MOCOS: variants seen among roughly 807,000 people sequenced by gnomAD.
MOCOS encodes molybdenum cofactor sulfurase, also known as human molybdenum cofactor sulfurase.
MOCOS carries 86 observed loss-of-function variants against 83.6 expected under a neutral mutation model. The observed-to-expected ratio is 1.03, with a 90% CI of 0.86 to 1.23. MOCOS has a LOEUF of 1.23. Ranked by LOEUF, MOCOS falls within the 50% of genes most tolerant of loss-of-function variation. The pLI is 0.00. For missense variants in MOCOS, 1,120 were observed against 1,126.9 expected, an observed-to-expected ratio of 0.99 and a Z score of 0.09; for synonymous variants, 445 against 434.7, an observed-to-expected ratio of 1.02 and a Z score of -0.29.
intron 9 of MOCOS, among the ~76,000 whole-genome samples, chr18:36,233,271 A>C (rs962961028): frequency 6.6e-6 from 1 of 152,152 alleles, no homozygotes; most frequent in Non-Finnish European, 1.5e-5. Flanking sequence ...GAGAACATAC[A>C]ATGTTTGTTT....
intron 8 of MOCOS, among the ~76,000 whole-genome samples, chr18:36,217,105 G>A (rs114677794): frequency 5.3e-4 from 80 of 152,320 alleles, no homozygotes; most frequent in African/African-American, 1.9e-3. Flanking sequence ...GACAGCAGAG[G>A]TGGAATCTGA....
At chr18:36,263,386 A>T (rs1254687235) in intron 13 of MOCOS, among the ~76,000 whole-genome samples, 1 of 152,232 alleles carries the variant, frequency 6.6e-6, no homozygotes, top group South Asian at 2.1e-4. Context: ...TTCAAAGGAG[A>T]AGAACTAAGT....
chr18:36,241,895 A>G (rs1182872232), intron 9 of MOCOS, among the ~76,000 whole-genome samples: 1 of 152,252 alleles, frequency 6.6e-6, no homozygotes, highest in Non-Finnish European at 1.5e-5. Context: ...TTTTAGCCAC[A>G]GCTGGATTGC....
At chr18:36,268,212 T>C (rs899382462) in intron 14 of MOCOS, among the ~76,000 whole-genome samples, 1 of 152,238 alleles carries the variant, frequency 6.6e-6, no homozygotes, top group African/African-American at 2.4e-5. Flanking sequence ...ATGGGCCTGA[T>C]GGTGGTCACA....
At chr18:36,200,621 G>C (rs1288271187) in intron 4 of MOCOS, among the ~76,000 whole-genome samples, 1 of 152,202 alleles carries the variant, frequency 6.6e-6, no homozygotes, top group African/African-American at 2.4e-5. Context: ...ATGGGGTAAG[G>C]AGGGTGAGCT....
In MOCOS at chr18:36,215,844, C is replaced by G. The variant is rs758634589; in HGVS notation, c.1664C>G (p.Pro555Arg). 96 of 1,614,106 alleles carry G rather than the reference C, an allele frequency of 5.9e-5. 1 individual carries two copies. Among genetic ancestry groups the G allele is most frequent in the Non-Finnish European group, 8.1e-5 (96 of 1,180,048 alleles). ...ACTGTGAATGCTGTGCCTGTGGCCCCACCTGTGTGTGATGTCGCCAGAACC... is the reference window on the plus strand; with the variant it reads ...ACTGTGAATGCTGTGCCTGTGGCCCGACCTGTGTGTGATGTCGCCAGAACC... Reference protein sequence around the residue: ...SSTVNAVPVAPPVCDVARTQP... With the variant: ...SSTVNAVPVARPVCDVARTQP... Residue 555 changes from proline (P) to arginine (R), a missense_variant, in exon 8 of 15, where the codon CCA (proline) becomes CGA (arginine). Pro to Arg is a moderately radical substitution (Grantham distance 103). Coordinates refer to ENST00000261326, the MANE Select transcript of MOCOS (RefSeq NM_017947.4).
chr18:36,259,137 A>G (rs542962761), intron 12 of MOCOS, among the ~76,000 whole-genome samples: 7 of 152,248 alleles, frequency 4.6e-5, no homozygotes, highest in Admixed American at 2.6e-4. Context: ...AATAAAAATT[A>G]CAAAAATAAG....
At chr18:36,187,826 A>G (rs959940268) in intron 1 of MOCOS, 145 bp downstream of exon 1, 6 of 934,136 alleles carry the variant, frequency 6.4e-6, no homozygotes, top group African/African-American at 3.4e-5. Flanking sequence ...GCGTCCTCCT[A>G]GTAGACACGG....
chr18:36,239,272 C>A (rs1038033608), intron 9 of MOCOS, among the ~76,000 whole-genome samples: 2 of 151,792 alleles, frequency 1.3e-5, no homozygotes, highest in African/African-American at 4.8e-5. Flanking sequence ...GCGGCTGGTA[C>A]CAGTTTTTCC....
chr18:36,198,661 T>A, intron 2 of MOCOS, 29 bp from the exon 3 acceptor site: 1 of 1,612,344 alleles, frequency 6.2e-7, no homozygotes. Context: ...AAGTAGTGAC[T>A]TGGTGGCCTT....
At chr18:36,246,606 AG>A (rs1411471638) in intron 9 of MOCOS, among the ~76,000 whole-genome samples, 1 of 152,134 alleles carries the variant, frequency 6.6e-6, no homozygotes, top group Non-Finnish European at 1.5e-5. Context: ...CCTTGGTTGT[AG>A]TTTTGTTTAG....
At chr18:36,262,031 T>C (rs1461608809) in intron 13 of MOCOS, among the ~76,000 whole-genome samples, 1 of 152,102 alleles carries the variant, frequency 6.6e-6, no homozygotes, top group Non-Finnish European at 1.5e-5. Context: ...TAAGGAAGAC[T>C]CTTTAAGGAA....
intron 9 of MOCOS, among the ~76,000 whole-genome samples, chr18:36,233,623 A>G (rs1248383674): frequency 6.6e-6 from 1 of 152,202 alleles, no homozygotes; most frequent in African/African-American, 2.4e-5. Flanking sequence ...ATTGTTTTCC[A>G]TAGTGGTTTT....
In MOCOS at chr18:36,187,610, C is replaced by A. The variant is rs1260864511; in HGVS notation, c.71C>A (p.Pro24Gln). Residue 24 changes from proline (P) to glutamine (Q), a missense_variant, in exon 1 of 15, where the codon CCG becomes CAG. Pro to Gln is a moderately conservative substitution (Grantham distance 76). Transcript: ENST00000261326. The part of the protein sequence containing the change: ...TFAGSRDPSA[P>Q]RLAYGYGPGS... The stretch of plus-strand genomic sequence containing the variant: ...GCGGGTTCCCGGGACCCGAGCGCAC[C>A]GCGGCTAGCCTACGGCTACGGCCCG... The A allele has an allele frequency of 4.8e-6, 6 of 1,249,770 alleles. No individual in the cohort carries two copies. Among genetic ancestry groups the A allele is most frequent in the South Asian group, 3.6e-5 (1 of 27,668 alleles). The allele number at this position is 1,249,770 out of a possible 1,614,324, so 77.4% of individuals were successfully genotyped here.
intron 14 of MOCOS, 100 bp downstream of exon 14, chr18:36,266,953 G>C: frequency 1.0e-6 from 1 of 998,300 alleles, no homozygotes; most frequent in Non-Finnish European, 1.5e-6. Context: ...TTTAAATGGG[G>C]GATTTGCTGC....
At chr18:36,245,573 G>C (rs1479415675) in intron 9 of MOCOS, among the ~76,000 whole-genome samples, 2 of 152,090 alleles carry the variant, frequency 1.3e-5, no homozygotes, top group Non-Finnish European at 2.9e-5. Context: ...CCTTCATCTT[G>C]ACTTTAGCTA....
intron 6 of MOCOS, among the ~76,000 whole-genome samples, chr18:36,212,456 A>G (rs1012736140): frequency 2.0e-4 from 31 of 152,144 alleles, no homozygotes; most frequent in Non-Finnish European, 3.7e-4. Flanking sequence ...GGAGTTGGCC[A>G]GGCCCAGTAG....
At position 36,199,962 on chromosome 18, in the gene MOCOS, G is replaced by C; in HGVS notation, c.579G>C (p.Gln193His). ...RSASASNPDC[Q>H]LPHLFCYPAQ... is the part of the protein sequence containing the mutation. ...CTTCAGCCAGCAACCCAGACTGCCA[G>C]CTGCCGCATCTCTTCTGCTACCCAG... is the stretch of plus-strand genomic sequence containing the variant. The change falls in exon 4 of 15, where the codon CAG becomes CAC. Residue 193 changes from glutamine to histidine, a missense_variant. Physicochemically the swap from Gln to His is conservative, Grantham distance 24. Transcript: ENST00000261326. The C allele has an allele frequency of 6.2e-7, 1 of 1,614,230 alleles. No homozygotes were observed. Among genetic ancestry groups the C allele is most frequent in the Non-Finnish European group, 8.5e-7 (1 of 1,180,042 alleles).
chr18:36,260,195 A>G lies in MOCOS; in HGVS notation c.2409+20A>G. 1 of 1,613,936 alleles carries G rather than the reference A, an allele frequency of 6.2e-7. No individual in the cohort carries two copies. On this transcript the variant is annotated intron_variant, in intron 13 of 14. Coordinates refer to ENST00000261326, the MANE Select transcript of MOCOS (RefSeq NM_017947.4). ...TTCCAGGTAAGTTTGGGGAAGTTCT[A>G]TTATCCTTCCTCCAGGGTTGTCAAT...
Sources: gnomAD v4.1 joint callset for allele counts (sites outside exome capture counted in the v4.1 genomes callset) on GRCh38, gnomAD v4.1.1 for gene constraint, MANE v1.5 for transcripts, NCBI Gene and HGNC (gene_info 2026-07-23, HGNC 2026-07-21) for gene names.